STK35: variants seen among roughly 807,000 people sequenced by gnomAD.
The protein encoded by STK35 is serine/threonine kinase 35.
STK35 carries 17 observed loss-of-function variants against 37.3 expected under a neutral mutation model. The observed-to-expected ratio is 0.46, with a 90% confidence interval of 0.31 to 0.68. STK35 has a LOEUF of 0.68. Among genes scored for constraint, STK35 ranks in the 30% least tolerant of loss-of-function variants. The pLI is 0.05. For missense variants in STK35, 595 were observed against 746.7 expected (o/e 0.80, Z 2.37); for synonymous variants, 385 against 319.1 (o/e 1.21, Z -2.20).
chr20:2,132,237 C>G (rs1986013056), intron 3 of STK35, among the ~76,000 whole-genome samples: 1 of 152,164 alleles, frequency 6.6e-6, no homozygotes, highest in Admixed American at 6.5e-5. Flanking sequence ...CTCAGGGCCA[C>G]CAGGAGCTCA....
chr20:2,104,661 C>T (rs1211688976), intron 2 of STK35, among the ~76,000 whole-genome samples: 2 of 152,066 alleles, frequency 1.3e-5, no homozygotes, highest in East Asian at 3.9e-4. Flanking sequence ...GTTACTTTTG[C>T]ACAACTTAAA....
intron 3 of STK35, among the ~76,000 whole-genome samples, chr20:2,136,020 C>G (rs1986080849): frequency 6.6e-6 from 1 of 152,182 alleles, no homozygotes; most frequent in African/African-American, 2.4e-5. Context: ...TTGGGAAGTC[C>G]ATACTTTCAG....
chr20:2,107,858 T>A (rs777393375), intron 2 of STK35, among the ~76,000 whole-genome samples: 1 of 152,138 alleles, frequency 6.6e-6, no homozygotes, highest in Non-Finnish European at 1.5e-5. Flanking sequence ...CTGGCTGGCA[T>A]TGGGGAAATA....
At position 2,107,265 on chromosome 20, in the gene STK35, C is replaced by T. The variant is rs6046817; in HGVS notation, c.892+3900C>T. Among the ~76,000 whole-genome samples, 387 of 152,308 alleles carry T rather than the reference C, an allele frequency of 2.5e-3. 1 individual carries two copies. Among genetic ancestry groups the T allele is most frequent in the African/African-American group, 8.4e-3 (350 of 41,576 alleles). ...TTCTGACAAATAGCAAGTGAGGACA[C>T]ACTCACAGACACTAATCCAGGACAA... On this transcript the variant is annotated intron_variant, in intron 2 of 3. Transcript: ENST00000381482.
chr20:2,144,261 G>C lies in STK35; in HGVS notation c.*515G>C. On this transcript the variant is annotated 3_prime_UTR_variant, in exon 4 of 4. Coordinates refer to ENST00000381482, the MANE Select transcript of STK35 (RefSeq NM_080836.4). ...GGGTTTCTTCTGGAACGGGGCGTGA[G>C]GACACAAGGAGGCCTCTGGGCCACG... is the stretch of plus-strand genomic sequence containing the variant. 4.3e-6 allele frequency: 1 copy of C among 234,238 alleles called. No individual in the cohort carries two copies. Among genetic ancestry groups the C allele is most frequent in the Non-Finnish European group, 8.4e-6 (1 of 119,748 alleles). The allele number at this position is 234,238 out of a possible 1,614,324, so 14.5% of individuals were successfully genotyped here. A position where few individuals can be genotyped will look rare whatever the true frequency, so the allele number is the denominator to read the frequency against.
intron 3 of STK35, among the ~76,000 whole-genome samples, chr20:2,118,792 A>G (rs981423282): frequency 2.6e-5 from 4 of 152,242 alleles, no homozygotes; most frequent in Admixed American, 1.3e-4. Flanking sequence ...GTGTTTAGAT[A>G]CACAAAAACT....
intron 2 of STK35, among the ~76,000 whole-genome samples, chr20:2,104,902 C>T (rs1985484869): frequency 6.6e-6 from 1 of 152,002 alleles, no homozygotes; most frequent in African/African-American, 2.4e-5. Flanking sequence ...ACTGTAATCC[C>T]AGCACTTTGG....
chr20:2,123,628 T>C (rs1182129580), intron 3 of STK35, among the ~76,000 whole-genome samples: 2 of 152,208 alleles, frequency 1.3e-5, no homozygotes, highest in Non-Finnish European at 2.9e-5. Flanking sequence ...GCTACCAAGT[T>C]AATCAGCAGT....
intron 1 of STK35, 97 bp from the exon 2 acceptor site, chr20:2,102,671 G>A: frequency 8.4e-7 from 1 of 1,184,584 alleles, no homozygotes; most frequent in Non-Finnish European, 1.1e-6. Flanking sequence ...TAAAGGGGCC[G>A]CGGCGGCCGG....
intron 3 of STK35, among the ~76,000 whole-genome samples, chr20:2,123,278 T>A (rs182470425): frequency 1.1e-4 from 17 of 152,306 alleles, no homozygotes; most frequent in Admixed American, 8.5e-4. Context: ...CTATATGAGA[T>A]CTTGGTAGCT....
In STK35 at chr20:2,103,307, G is replaced by A. The variant is rs1482375851; in HGVS notation, c.834G>A (p.Met278Ile). 2.5e-6 allele frequency: 4 copies of A among 1,613,002 alleles called. No homozygotes were observed. Among genetic ancestry groups the A allele is most frequent in the Non-Finnish European group, 3.4e-6 (4 of 1,179,780 alleles). ...AGCGCAATGGGTTAGCCCAGCGCAT[G>A]AGTCACGGCAACAAGAGCTCGCAGC... is the stretch of plus-strand genomic sequence containing the variant. ...VLQRNGLAQR[M>I]SHGNKSSQLY... is the part of the protein sequence containing the mutation. Residue 278 changes from methionine (M) to isoleucine (I), a missense_variant, in exon 2 of 4, where the codon ATG becomes ATA. Physicochemically the swap from Met to Ile is conservative, Grantham distance 10. Transcript: ENST00000381482.
intron 3 of STK35, among the ~76,000 whole-genome samples, chr20:2,122,207 G>A (rs144051617): frequency 0.014 from 2,092 of 152,240 alleles, 49 homozygotes; most frequent in African/African-American, 0.047. Flanking sequence ...GGTGGCACAT[G>A]CCATAGGCCC....
intron 3 of STK35, among the ~76,000 whole-genome samples, chr20:2,134,123 G>A (rs1170023648): frequency 5.3e-5 from 8 of 152,034 alleles, no homozygotes; most frequent in Non-Finnish European, 1.2e-4. Context: ...GGCTGGGCGT[G>A]GTGGTGCACA....
In STK35 at chr20:2,138,808, G is replaced by A. The variant is rs551179598; in HGVS notation, c.*38-4976G>A. On this transcript the variant is annotated intron_variant, in intron 3 of 3. Transcript: ENST00000381482. ...ACCAAGGCAGGAGGATTGCATGAGC[G>A]AAGCCAGGAGTTTGAGACCAGCCTG... Among the ~76,000 whole-genome samples, 38 of 152,230 alleles carry A rather than the reference G, an allele frequency of 2.5e-4. 1 individual carries two copies. Among genetic ancestry groups the A allele is most frequent in the South Asian group, 8.3e-4 (4 of 4,816 alleles).
At chr20:2,106,466 C>G (rs1215275650) in intron 2 of STK35, among the ~76,000 whole-genome samples, 1 of 152,100 alleles carries the variant, frequency 6.6e-6, no homozygotes, top group Non-Finnish European at 1.5e-5. Context: ...ACCCCTTGCC[C>G]CAATGGAACT....
At chr20:2,104,348 C>A (rs1417728259) in intron 2 of STK35, among the ~76,000 whole-genome samples, 1 of 152,164 alleles carries the variant, frequency 6.6e-6, no homozygotes, top group African/African-American at 2.4e-5. Context: ...GGTCTCAGTG[C>A]TGAAGTAATT....
At position 2,117,775 on chromosome 20, in the gene STK35, G is replaced by T. The variant is rs1034101381; in HGVS notation, c.*37+360G>T. On this transcript the variant is annotated intron_variant, in intron 3 of 3. Coordinates refer to ENST00000381482, the MANE Select transcript of STK35 (RefSeq NM_080836.4). This position sits in a 1 kb window ranked among gnomAD's most constrained non-coding sequence, Gnocchi z 4.4. The stretch of plus-strand genomic sequence containing the variant: ...TTTTTTTCTGTATGCCCACTTCTTG[G>T]ACCGGGTTCTTCATTCTGGACCCTG... 6.6e-6 allele frequency among the ~76,000 whole-genome samples: 1 copy of T among 152,046 alleles called. No individual in the cohort carries two copies. Among genetic ancestry groups the T allele is most frequent in the African/African-American group, 2.4e-5 (1 of 41,378 alleles).
At chr20:2,119,108 C>G (rs1985771987) in intron 3 of STK35, among the ~76,000 whole-genome samples, 1 of 152,158 alleles carries the variant, frequency 6.6e-6, no homozygotes, top group South Asian at 2.1e-4. Context: ...GAGAGAAACT[C>G]CAAGTTGAAC....
intron 3 of STK35, among the ~76,000 whole-genome samples, chr20:2,132,458 G>A (rs1986016562): frequency 6.6e-6 from 1 of 152,378 alleles, no homozygotes; most frequent in South Asian, 2.1e-4. Flanking sequence ...ATAGGGCTAA[G>A]TTGCCAAGAG....
Sources: gnomAD v4.1 joint callset for allele counts (sites outside exome capture counted in the v4.1 genomes callset) on GRCh38, gnomAD v4.1.1 for gene constraint, Gnocchi (gnomAD v3.1) non-coding constraint, MANE v1.5 for transcripts, NCBI Gene and HGNC (gene_info 2026-07-23, HGNC 2026-07-21) for gene names.